The following VKORC1L1 variants were observed in gnomAD, a reference collection of about 807,000 sequenced individuals.
VKORC1L1 encodes the protein vitamin K epoxide reductase complex subunit 1L1.
In VKORC1L1, 2 loss-of-function variants were observed where a neutral mutation model predicts 18.9. That is an observed-to-expected ratio of 0.11 (90% CI 0.04 to 0.33). The LOEUF (loss-of-function observed/expected upper bound fraction) is 0.33. Ranked by LOEUF, VKORC1L1 falls within the 10% of genes least tolerant of loss-of-function variation. The pLI is 1.00. For synonymous variants in VKORC1L1, 96 were observed against 100.0 expected (o/e 0.96, Z 0.24); for missense variants, 123 against 224.1 (o/e 0.55, Z 2.88).
intron 1 of VKORC1L1, among the ~76,000 whole-genome samples, chr7:65,889,950 C>G (rs1425139579): frequency 6.7e-6 from 1 of 148,314 alleles, no homozygotes; most frequent in African/African-American, 2.5e-5. Context: ...TATTCATTCT[C>G]TCTCTTTTTT....
At chr7:65,892,928 A>G (rs1789131839) in intron 1 of VKORC1L1, among the ~76,000 whole-genome samples, 2 of 152,256 alleles carry the variant, frequency 1.3e-5, no homozygotes, top group African/African-American at 4.8e-5. Flanking sequence ...TTCAGAGGCC[A>G]GGTCAAAACT....
At chr7:65,930,592 A>G (rs911618801) in intron 1 of VKORC1L1, among the ~76,000 whole-genome samples, 1 of 152,126 alleles carries the variant, frequency 6.6e-6, no homozygotes, top group Non-Finnish European at 1.5e-5. Flanking sequence ...AGAGTTCTGT[A>G]TGTATATATG....
intron 1 of VKORC1L1, among the ~76,000 whole-genome samples, chr7:65,930,985 A>G (rs1789847852): frequency 6.6e-6 from 1 of 152,188 alleles, no homozygotes; most frequent in African/African-American, 2.4e-5. Flanking sequence ...TGAGATGATC[A>G]TATGGTTTTT....
intron 1 of VKORC1L1, among the ~76,000 whole-genome samples, chr7:65,895,483 ATATATATATAT>A (rs1789188744): frequency 7.7e-4 from 21 of 27,390 alleles, no homozygotes; most frequent in East Asian, 3.1e-3. Flanking sequence ...AAAAAAAAAT[ATATATATATAT>A]ATATATATAT....
chr7:65,873,281 C>T lies in VKORC1L1; in HGVS notation c.-91C>T, dbSNP rs1292825820. The T allele has an allele frequency of 4.0e-6, 4 of 999,886 alleles. No homozygotes were observed. Among genetic ancestry groups the T allele is most frequent in the Non-Finnish European group, 4.7e-6 (4 of 842,694 alleles). 61.9% of individuals were successfully genotyped at this position (999,886 alleles called of 1,614,324 possible). On this transcript the variant is annotated 5_prime_UTR_variant, in exon 1 of 3. Transcript: ENST00000360768. ...GTGGTGGCGGCGGCGGCGGAGGCGG[C>T]GGTGGCGGCGGTGGCGGCTGGGTCG...
chr7:65,922,527 G>T (rs189488190), intron 1 of VKORC1L1, among the ~76,000 whole-genome samples: 1 of 152,096 alleles, frequency 6.6e-6, no homozygotes, highest in Non-Finnish European at 1.5e-5. Flanking sequence ...CAGGTGATCT[G>T]CCCGCCTCAG....
chr7:65,880,525 GAGTT>G (rs960507936), intron 1 of VKORC1L1, among the ~76,000 whole-genome samples: 1 of 152,134 alleles, frequency 6.6e-6, no homozygotes, highest in Admixed American at 6.6e-5. Flanking sequence ...GGAGGGAAAA[GAGTT>G]TGTTTGAATC....
chr7:65,875,768 T>C (rs1788817440), intron 1 of VKORC1L1, among the ~76,000 whole-genome samples: 1 of 152,182 alleles, frequency 6.6e-6, no homozygotes, highest in Admixed American at 6.6e-5. Flanking sequence ...AGTTAGTTTT[T>C]TTTGAGTGGT....
chr7:65,877,169 C>CT lies in VKORC1L1; in HGVS notation c.194+3612dup, dbSNP rs544812094. ...GCTGTTACCATTGATTGGAGATGTTCTTTTTTTTCCAGTGTTTGATAATAA... is the reference window on the plus strand; with the variant it reads ...GCTGTTACCATTGATTGGAGATGTTCTTTTTTTTTCCAGTGTTTGATAATAA... On this transcript the variant is annotated intron_variant, in intron 1 of 2. Transcript: ENST00000360768. 1.1e-4 allele frequency among the ~76,000 whole-genome samples: 17 copies of CT among 152,110 alleles called. No homozygotes were observed. In the South Asian group the frequency reaches 1.7e-3, roughly 15 times the overall value.
intron 1 of VKORC1L1, among the ~76,000 whole-genome samples, chr7:65,920,505 G>A (rs866757163): frequency 6.6e-6 from 1 of 152,198 alleles, no homozygotes; most frequent in African/African-American, 2.4e-5. Flanking sequence ...ATATAGATTC[G>A]TGTACATAAT....
At chr7:65,882,333 C>T (rs1365091374) in intron 1 of VKORC1L1, among the ~76,000 whole-genome samples, 2 of 150,920 alleles carry the variant, frequency 1.3e-5, no homozygotes, top group Non-Finnish European at 2.9e-5. Flanking sequence ...GAGCCAAGAT[C>T]ACGCCATTGC....
At chr7:65,892,661 G>A (rs1789127767) in intron 1 of VKORC1L1, among the ~76,000 whole-genome samples, 1 of 152,128 alleles carries the variant, frequency 6.6e-6, no homozygotes. Flanking sequence ...TGTCTGTGTG[G>A]TGTGAGATGG....
At chr7:65,870,767 G>C (rs1215161484), upstream of VKORC1L1, among the ~76,000 whole-genome samples, 2 of 152,220 alleles carry the variant, frequency 1.3e-5, no homozygotes, top group African/African-American at 4.8e-5. Context: ...TAGGGATGTA[G>C]AGTGAGGTTT....
At chr7:65,917,181 A>G (rs1176625837) in intron 1 of VKORC1L1, among the ~76,000 whole-genome samples, 1 of 151,790 alleles carries the variant, frequency 6.6e-6, no homozygotes, top group African/African-American at 2.4e-5. Flanking sequence ...TTTTTTCTTT[A>G]TCTTCACATT....
upstream of VKORC1L1, among the ~76,000 whole-genome samples, chr7:65,872,829 T>C (rs1276097504): frequency 6.6e-6 from 1 of 152,002 alleles, no homozygotes; most frequent in Non-Finnish European, 1.5e-5. Context: ...GGATGGCAAT[T>C]GATTGCCATC....
At chr7:65,942,030 A>G (rs1790043138) in intron 1 of VKORC1L1, among the ~76,000 whole-genome samples, 1 of 152,164 alleles carries the variant, frequency 6.6e-6, no homozygotes. Flanking sequence ...ACTGAACTTC[A>G]TACACCTGTA....
At chr7:65,894,682 C>G (rs1449800622) in intron 1 of VKORC1L1, among the ~76,000 whole-genome samples, 1 of 152,054 alleles carries the variant, frequency 6.6e-6, no homozygotes, top group Admixed American at 6.6e-5. Context: ...GAGCCGAGAT[C>G]GCACCACTGC....
chr7:65,867,731 C>A, the VKORC1L1 span, among the ~76,000 whole-genome samples: 3 of 152,158 alleles, frequency 2.0e-5, no homozygotes, highest in Non-Finnish European at 4.4e-5. Context: ...GAAAAGGTGT[C>A]CCCTTTTATG....
intron 1 of VKORC1L1, among the ~76,000 whole-genome samples, chr7:65,877,591 GCCTGCCTCAGCCT>G (rs1788851178): frequency 6.6e-6 from 1 of 152,098 alleles, no homozygotes; most frequent in South Asian, 2.1e-4. Context: ...CAGGTGATCT[GCCTGCCTCAGCCT>G]CCGAAAGTGC....
Sources: gnomAD v4.1 joint callset for allele counts (sites outside exome capture counted in the v4.1 genomes callset) on GRCh38, gnomAD v4.1.1 for gene constraint, MANE v1.5 for transcripts, NCBI Gene and HGNC (gene_info 2026-07-23, HGNC 2026-07-21) for gene names.